Variants in EPB41 observed in about 807,000 individuals in gnomAD.
The protein encoded by EPB41 is protein 4.1.
Under a neutral mutation model 108.0 loss-of-function variants are expected in EPB41, and 65 were observed. The ratio of observed to expected loss-of-function variants is 0.60; its 90% CI spans 0.49 to 0.74. EPB41 has a LOEUF of 0.74. Ranked by LOEUF, EPB41 falls within the 30% of genes least tolerant of loss-of-function variation. The pLI, the probability that EPB41 is intolerant of heterozygous loss-of-function variation, is 0.00. For synonymous variants in EPB41, 336 were observed against 358.9 expected, an observed-to-expected ratio of 0.94 and a Z score of 0.72; for missense variants, 875 against 1,037.0, an observed-to-expected ratio of 0.84 and a Z score of 2.15.
At chr1:29,017,889 G>T (rs528206897) in intron 6 of EPB41, among the ~76,000 whole-genome samples, 2 of 152,094 alleles carry the variant, frequency 1.3e-5, no homozygotes, top group African/African-American at 4.8e-5. Flanking sequence ...GTGGTACTTA[G>T]TATACTTAAA....
chr1:28,938,651 GC>G (rs1557738143), intron 1 of EPB41, among the ~76,000 whole-genome samples: 1 of 151,562 alleles, frequency 6.6e-6, no homozygotes, highest in Non-Finnish European at 1.5e-5. Flanking sequence ...TCCCACCTCA[GC>G]CTCCTGAGTA....
chr1:28,987,889 G>A lies in EPB41; in HGVS notation c.452G>A (p.Ser151Asn), dbSNP rs897659215. The change falls in exon 2 of 21, where the codon AGC becomes AAC. Residue 151 changes from serine (S) to asparagine (N), a missense_variant. Around this residue, in one of 3 missense-constraint regions of EPB41, gnomAD observed 353 missense variants for 393.2 expected, o/e 0.90. Transcript: ENST00000343067. ...TDPSLDLHSLSSAETQPAQEE... is the reference protein window; with the variant it reads ...TDPSLDLHSLNSAETQPAQEE... ...CCATCTTTGGATCTTCATTCATTAAGCAGTGCAGAAACACAGGTAAGGATG... is the reference window on the plus strand; with the variant it reads ...CCATCTTTGGATCTTCATTCATTAAACAGTGCAGAAACACAGGTAAGGATG... 5.6e-6 allele frequency: 9 copies of A among 1,614,092 alleles called. No homozygotes were observed. Among genetic ancestry groups the A allele is most frequent in the African/African-American group, 1.3e-5 (1 of 74,930 alleles).
At chr1:28,980,865 C>T (rs55781160) in intron 1 of EPB41, among the ~76,000 whole-genome samples, 27,644 of 145,118 alleles carry the variant, frequency 0.19, 3,287 homozygotes, top group East Asian at 0.5. Context: ...GGTGCAATCT[C>T]GGCTCACTGC....
At position 29,115,879 on chromosome 1, in the gene EPB41, A is replaced by G. The variant is rs1303692716; in HGVS notation, c.*6+76A>G. 1.7e-6 allele frequency: 2 copies of G among 1,150,164 alleles called. No homozygotes were observed. Among genetic ancestry groups the G allele is most frequent in the African/African-American group, 3.0e-5 (2 of 65,594 alleles). 71.2% of individuals were successfully genotyped at this position (1,150,164 alleles called of 1,614,324 possible). ...AGGGCTCTGGATGGGACCCTCGGAC[A>G]CACTGGGAGCCCATCCCCACAAAGA... On this transcript the variant is annotated intron_variant, in intron 20 of 20. Transcript: ENST00000343067. The surrounding 1 kb of genome is among the most constrained non-coding windows in gnomAD (Gnocchi z 4.4).
At chr1:28,956,229 G>A (rs1001245668) in intron 1 of EPB41, among the ~76,000 whole-genome samples, 5 of 152,208 alleles carry the variant, frequency 3.3e-5, no homozygotes, top group Non-Finnish European at 5.9e-5. Context: ...ACATGTCATT[G>A]TGCGGTAGGC....
intron 1 of EPB41, among the ~76,000 whole-genome samples, chr1:28,945,661 A>T (rs1238390530): frequency 1.3e-5 from 2 of 152,222 alleles, no homozygotes; most frequent in African/African-American, 4.8e-5. Flanking sequence ...TAAATTAGGA[A>T]ATGGGCCAAA....
intron 1 of EPB41, chr1:28,982,399 A>G (rs2095773925): frequency 6.8e-6 from 5 of 739,194 alleles, no homozygotes; most frequent in Non-Finnish European, 1.0e-5. Flanking sequence ...AACTTTCGCA[A>G]AAGACTTGAT....
intron 16 of EPB41, chr1:29,068,881 A>G (rs1649813325): frequency 9.9e-7 from 1 of 1,010,972 alleles, no homozygotes. Flanking sequence ...CAGCTGCTGA[A>G]TACCTTTTTT....
chr1:28,971,180 C>CTTTTTTTTTTTTTTTTTTTTTTT (rs1000130058), intron 1 of EPB41, among the ~76,000 whole-genome samples: 6 of 66,320 alleles, frequency 9.0e-5, no homozygotes, highest in Admixed American at 2.5e-4. Context: ...TTCTTTCTTT[C>CTTTTTTTTTTTTTTTTTTTTTTT]TTTTTTTTTT....
intron 1 of EPB41, among the ~76,000 whole-genome samples, chr1:28,948,379 G>T (rs1026078191): frequency 3.9e-4 from 59 of 151,916 alleles, no homozygotes; most frequent in African/African-American, 1.4e-3. Context: ...CGCGGTGGCG[G>T]GCCCTTGTAG....
intron 1 of EPB41, among the ~76,000 whole-genome samples, chr1:28,905,511 C>T (rs919896314): frequency 6.6e-6 from 1 of 150,594 alleles, no homozygotes; most frequent in Non-Finnish European, 1.5e-5. Flanking sequence ...AAAAAAACAA[C>T]AAAAAACCAG....
chr1:28,899,617 A>G (rs2091067843), intron 1 of EPB41, among the ~76,000 whole-genome samples: 1 of 152,152 alleles, frequency 6.6e-6, no homozygotes, highest in Admixed American at 6.6e-5. Context: ...GGGAGCTAGG[A>G]TGACTTGAAG....
At chr1:29,114,470 CTG>C (rs1440069703) in intron 19 of EPB41, among the ~76,000 whole-genome samples, 1 of 152,026 alleles carries the variant, frequency 6.6e-6, no homozygotes, top group African/African-American at 2.4e-5. Flanking sequence ...TGGCAAAACA[CTG>C]TCTCTACTAA....
intron 4 of EPB41, 21 bp from the exon 5 acceptor site, chr1:29,011,844 T>G: frequency 6.2e-7 from 1 of 1,613,990 alleles, no homozygotes; most frequent in Non-Finnish European, 8.5e-7. Flanking sequence ...TCTGTGTGAA[T>G]GCCTTTTCTC....
chr1:28,908,437 A>ATT (rs1246771294), intron 1 of EPB41, among the ~76,000 whole-genome samples: 1 of 147,808 alleles, frequency 6.8e-6, no homozygotes, highest in Non-Finnish European at 1.5e-5. Context: ...TATTATTATT[A>ATT]TTATTTTTTT....
At chr1:28,948,505 C>CAAAAAAAAA (rs34508731) in intron 1 of EPB41, among the ~76,000 whole-genome samples, 4 of 90,978 alleles carry the variant, frequency 4.4e-5, no homozygotes, top group African/African-American at 8.3e-5. Flanking sequence ...GACTCCGTAT[C>CAAAAAAAAA]AAAAAAAAAA....
intron 1 of EPB41, among the ~76,000 whole-genome samples, chr1:28,907,711 C>A (rs951979371): frequency 1.3e-5 from 2 of 152,122 alleles, no homozygotes; most frequent in African/African-American, 4.8e-5. Context: ...CTCCCAGGCT[C>A]CAGTGATCCT....
chr1:29,054,882 A>G (rs1187350715), intron 12 of EPB41, among the ~76,000 whole-genome samples: 1 of 152,134 alleles, frequency 6.6e-6, no homozygotes, highest in Admixed American at 6.6e-5. Context: ...TACTAAAAAT[A>G]CAAAAATTAG....
chr1:28,968,173 A>G (rs529023761), intron 1 of EPB41, among the ~76,000 whole-genome samples: 20 of 152,144 alleles, frequency 1.3e-4, no homozygotes, highest in African/African-American at 4.6e-4. Context: ...CCTGGCCAAC[A>G]TGGTGAAACC....
Sources: allele counts gnomAD v4.1 joint callset (sites outside exome capture counted in the v4.1 genomes callset), GRCh38; gene constraint gnomAD v4.1.1; regional missense constraint gnomAD v4.1.1; non-coding constraint Gnocchi (gnomAD v3.1); transcripts MANE v1.5; gene names NCBI Gene and HGNC (gene_info 2026-07-23, HGNC 2026-07-21).